ADCY3: variants seen among roughly 807,000 people sequenced by gnomAD.
The protein encoded by ADCY3 is adenylate cyclase 3, also known as adenylate cyclase type 3.
A neutral mutation model predicts 119.4 loss-of-function variants in ADCY3; 70 were observed. The observed-to-expected ratio is 0.59, with a 90% CI of 0.48 to 0.72. The LOEUF is 0.72. Among genes scored for constraint, ADCY3 ranks in the 30% least tolerant of loss-of-function variants. The pLI is 0.00. For missense variants in ADCY3, 1,238 were observed against 1,541.6 expected (o/e 0.80, Z 3.30); for synonymous variants, 672 against 621.4 (o/e 1.08, Z -1.21).
chr2:24,829,206 G>A (rs928084147), intron 13 of ADCY3, among the ~76,000 whole-genome samples: 9 of 151,550 alleles, frequency 5.9e-5, no homozygotes, highest in Non-Finnish European at 1.0e-4. Flanking sequence ...TAGTAGAGAC[G>A]GGGTTTCACC....
intron 3 of ADCY3, among the ~76,000 whole-genome samples, chr2:24,848,005 G>A (rs1268102850): frequency 6.6e-6 from 1 of 152,200 alleles, no homozygotes; most frequent in Non-Finnish European, 1.5e-5. Context: ...TCAGGATCAT[G>A]AGTGCTGGCC....
chr2:24,842,342 C>T lies in ADCY3; in HGVS notation c.868G>A (p.Glu290Lys), dbSNP rs755396107. 12 of 1,614,044 alleles carry T rather than the reference C, an allele frequency of 7.4e-6. No individual in the cohort carries two copies. Among genetic ancestry groups the T allele is most frequent in the South Asian group, 6.6e-5 (6 of 91,072 alleles). ...LSILPKHVAD[E>K]MLKDMKKDES... Reference sequence around the variant, plus strand: ...TCTTTCTTCATGTCTTTCAGCATCTCGTCAGCCACGTGCTTGGGCAGGATG... The same window carrying T: ...TCTTTCTTCATGTCTTTCAGCATCTTGTCAGCCACGTGCTTGGGCAGGATG... The change falls in exon 4 of 22, where the codon GAG (glutamate) becomes AAG (lysine). Residue 290 changes from glutamate (E) to lysine (K), a missense_variant. Physicochemically the swap from Glu to Lys is moderately conservative, Grantham distance 56. Coordinates refer to ENST00000679454, the MANE Select transcript of ADCY3 (RefSeq NM_004036.5). This position sits in a 1 kb window ranked among gnomAD's most constrained non-coding sequence, Gnocchi z 4.9.
intron 2 of ADCY3, among the ~76,000 whole-genome samples, chr2:24,907,007 T>C (rs2149028743): frequency 6.6e-6 from 1 of 152,254 alleles, no homozygotes; most frequent in East Asian, 1.9e-4. Flanking sequence ...GGCACGCACC[T>C]GTAATCCCAG....
At chr2:24,845,583 CA>C (rs2148612624) in intron 3 of ADCY3, among the ~76,000 whole-genome samples, 1 of 152,292 alleles carries the variant, frequency 6.6e-6, no homozygotes, top group Non-Finnish European at 1.5e-5. Context: ...CTGTTAATGG[CA>C]ATCAGTTTTA....
chr2:24,891,909 A>T (rs1052491492), intron 2 of ADCY3, among the ~76,000 whole-genome samples: 7 of 152,176 alleles, frequency 4.6e-5, no homozygotes, highest in African/African-American at 1.7e-4. Context: ...ATATAGGAAA[A>T]ATATGGTATA....
chr2:24,885,799 A>G (rs919322425), intron 2 of ADCY3, among the ~76,000 whole-genome samples: 2 of 152,202 alleles, frequency 1.3e-5, no homozygotes, highest in Non-Finnish European at 2.9e-5. Context: ...TCATTCTGGC[A>G]TTCAGGGTCC....
At position 24,824,541 on chromosome 2, in the gene ADCY3, A is replaced by G. The variant is rs1668316056; in HGVS notation, c.2578-5T>C. On this transcript the variant is annotated splice_polypyrimidine_tract_variant and splice_region_variant and intron_variant, in intron 16 of 21. Transcript: ENST00000679454. ...TGTCCGTGCCAGTTTTTCTACCTACAGACACAGACAAGGCGAGGCATGTGC... is the reference window on the plus strand; with the variant it reads ...TGTCCGTGCCAGTTTTTCTACCTACGGACACAGACAAGGCGAGGCATGTGC... 6.2e-7 allele frequency: 1 copy of G among 1,613,800 alleles called. No homozygotes were observed. The highest frequency in any genetic ancestry group is 1.7e-5 in the Admixed American group (1 of 60,002).
chr2:24,838,942 T>A (rs1226394830), intron 7 of ADCY3: 1 of 190,770 alleles, frequency 5.2e-6, no homozygotes, highest in South Asian at 1.1e-4. Context: ...CGATAAGGAA[T>A]TTTTTTTTTT....
At position 24,819,952 on chromosome 2, in the gene ADCY3, G is replaced by A; in HGVS notation, c.3415C>T (p.Gln1139Ter). ...GCCATTCAGGAGTTGTCCACCACCT[G>A]GTGGGGCAGTGTGACAGAGGGGCCA... ...PNGPSVTLPH[Q>*]VVDNS Residue 1139 changes from glutamine (Q) to a stop codon, truncating the protein, a stop_gained, in exon 22 of 22, where the codon CAG (glutamine) becomes TAG (stop). Coordinates refer to ENST00000679454, the MANE Select transcript of ADCY3 (RefSeq NM_004036.5). LOFTEE classifies it high-confidence loss of function. 6.2e-7 allele frequency: 1 copy of A among 1,613,892 alleles called. No homozygotes were observed. Among genetic ancestry groups the A allele is most frequent in the Non-Finnish European group, 8.5e-7 (1 of 1,179,912 alleles).
intron 7 of ADCY3, among the ~76,000 whole-genome samples, chr2:24,839,390 C>T (rs927833930): frequency 2.6e-5 from 4 of 152,224 alleles, no homozygotes; most frequent in Non-Finnish European, 4.4e-5. Context: ...GGCTGATCCT[C>T]CCTCAGCCTC....
At chr2:24,825,812 C>T in intron 16 of ADCY3, 1 of 561,812 alleles carries the variant, frequency 1.8e-6, no homozygotes, top group Non-Finnish European at 3.2e-6. Context: ...CACTCCCATG[C>T]TTCCTTCACC....
chr2:24,821,043 C>T lies in ADCY3; in HGVS notation c.3128-195G>A, dbSNP rs573686765. On this transcript the variant is annotated intron_variant, in intron 20 of 21. Coordinates refer to ENST00000679454, the MANE Select transcript of ADCY3 (RefSeq NM_004036.5). Reference sequence around the variant, plus strand: ...ATCCGTGTGCTTGTTAGGTGTCAGCCGCCACCCCCCCCCCATATGCAGATT... The same window carrying T: ...ATCCGTGTGCTTGTTAGGTGTCAGCTGCCACCCCCCCCCCATATGCAGATT... 146 of 715,312 alleles carry T rather than the reference C, an allele frequency of 2.0e-4. 1 individual carries two copies. The African/African-American group carries it at 2.4e-3, about 12-fold the overall frequency. 44.3% of individuals were successfully genotyped at this position (715,312 alleles called of 1,614,324 possible). A position where few individuals can be genotyped will look rare whatever the true frequency, so the allele number is the denominator to read the frequency against.
rs1157915112 is a variant in ADCY3, at chr2:24,824,461, G to T, written c.2653C>A (p.Arg885=). The change falls in exon 17 of 22, where the codon CGA becomes AGA. Residue 885 remains arginine, a synonymous_variant. Coordinates refer to ENST00000679454, the MANE Select transcript of ADCY3 (RefSeq NM_004036.5). ...GTGACCAAGGCCTCGTTCCAGCGTC[G>T]CATCTCATAGACACGTTCCTTCTGG... ...HDQKERVYEM[R]RWNEALVTNM... 2 of 1,614,076 alleles carry T rather than the reference G, an allele frequency of 1.2e-6. No individual in the cohort carries two copies. Among genetic ancestry groups the T allele is most frequent in the Non-Finnish European group, 1.7e-6 (2 of 1,180,036 alleles).
intron 2 of ADCY3, among the ~76,000 whole-genome samples, chr2:24,886,447 C>T (rs191621165): frequency 9.2e-5 from 14 of 152,290 alleles, no homozygotes; most frequent in Middle Eastern, 3.4e-3. Flanking sequence ...TTAGCAAACA[C>T]GCCTCACCTC....
intron 3 of ADCY3, among the ~76,000 whole-genome samples, chr2:24,858,752 CCA>C (rs756007318): frequency 1.4e-4 from 21 of 152,228 alleles, no homozygotes; most frequent in Non-Finnish European, 2.6e-4. Flanking sequence ...TTAAGACCTG[CCA>C]CAGCCCAGCA....
intron 2 of ADCY3, among the ~76,000 whole-genome samples, chr2:24,914,834 G>T: frequency 6.6e-6 from 1 of 152,080 alleles, no homozygotes; most frequent in East Asian, 1.9e-4. Context: ...CTTATCCCCT[G>T]ACCTTGCAGG....
chr2:24,829,412 A>ATTTTTTT (rs67246369), intron 13 of ADCY3, among the ~76,000 whole-genome samples: 4 of 63,790 alleles, frequency 6.3e-5, no homozygotes, highest in African/African-American at 2.4e-4. Context: ...GTGTGCTCCA[A>ATTTTTTT]TTTTTTTTTT....
At chr2:24,900,543 A>C (rs781455662) in intron 2 of ADCY3, among the ~76,000 whole-genome samples, 9 of 152,042 alleles carry the variant, frequency 5.9e-5, no homozygotes, top group Non-Finnish European at 7.3e-5. Flanking sequence ...TTCTGTGAGC[A>C]GCCTGGGCAA....
Position 24,820,002 on chromosome 2 carries a change from C to T in ADCY3, c.3365G>A (p.Arg1122Gln), listed in dbSNP as rs754188019. Residue 1122 changes from arginine to glutamine, a missense_variant, in exon 22 of 22, where the codon CGG becomes CAG. Arg to Gln is a conservative substitution (Grantham distance 43). Around this residue, in one of 7 missense-constraint regions of ADCY3, gnomAD observed 86 missense variants for 70.7 expected, o/e 1.22. Transcript: ENST00000679454. ...GELLTFFLKG[R>Q]DKLATFPNGP... ...ATTGGGGAAGGTGGCTAGCTTATCCCGCCCCTTCAAGAAGAAGGTCAGCAG... is the reference window on the plus strand; with the variant it reads ...ATTGGGGAAGGTGGCTAGCTTATCCTGCCCCTTCAAGAAGAAGGTCAGCAG... The T allele has an allele frequency of 6.8e-6, 11 of 1,612,810 alleles. No individual in the cohort carries two copies. The highest frequency in any genetic ancestry group is 9.3e-6 in the Non-Finnish European group (11 of 1,179,406).
Sources: gnomAD v4.1 joint callset for allele counts (sites outside exome capture counted in the v4.1 genomes callset) on GRCh38, gnomAD v4.1.1 for gene constraint, gnomAD v4.1.1 regional missense constraint, Gnocchi (gnomAD v3.1) non-coding constraint, MANE v1.5 for transcripts, NCBI Gene and HGNC (gene_info 2026-07-23, HGNC 2026-07-21) for gene names.